OPCML: variants seen among roughly 807,000 people sequenced by gnomAD.
OPCML encodes the protein opioid-binding protein/cell adhesion molecule.
Under a neutral mutation model 37.8 loss-of-function variants are expected in OPCML, and 13 were observed. The ratio of observed to expected loss-of-function variants is 0.34; its 90% CI spans 0.22 to 0.55. The LOEUF is 0.55. Among genes scored for constraint, OPCML ranks in the 20% least tolerant of loss-of-function variants. The pLI, the probability that OPCML is intolerant of heterozygous loss-of-function variation, is 0.91. For missense variants in OPCML, 341 were observed against 435.6 expected (o/e 0.78, Z 1.93); for synonymous variants, 176 against 168.8 (o/e 1.04, Z -0.33).
At chr11:133,322,816 C>T (rs1943364035) in intron 1 of OPCML, among the ~76,000 whole-genome samples, 1 of 152,324 alleles carries the variant, frequency 6.6e-6, no homozygotes, top group Middle Eastern at 3.4e-3. Flanking sequence ...ATCTCCCCAC[C>T]TACCCTGCTG....
chr11:133,428,633 A>G (rs1240527967), intron 1 of OPCML, among the ~76,000 whole-genome samples: 1 of 152,210 alleles, frequency 6.6e-6, no homozygotes. Flanking sequence ...AACAAGACAC[A>G]TGTAAGAACT....
intron 1 of OPCML, among the ~76,000 whole-genome samples, chr11:133,460,834 A>G (rs1478610981): frequency 6.6e-6 from 1 of 151,920 alleles, no homozygotes; most frequent in Middle Eastern, 3.2e-3. Flanking sequence ...TCTAGAAAAT[A>G]CTAGCAAATA....
At chr11:133,474,650 C>T (rs2137012886) in intron 1 of OPCML, among the ~76,000 whole-genome samples, 1 of 152,292 alleles carries the variant, frequency 6.6e-6, no homozygotes, top group Non-Finnish European at 1.5e-5. Context: ...GAGGTGGATT[C>T]TTGAAGGAGA....
At chr11:133,107,919 A>T (rs1949186202) in intron 1 of OPCML, among the ~76,000 whole-genome samples, 1 of 152,204 alleles carries the variant, frequency 6.6e-6, no homozygotes, top group Non-Finnish European at 1.5e-5. Context: ...GAGCCATGCC[A>T]CACATCTAGC....
intron 2 of OPCML, among the ~76,000 whole-genome samples, chr11:132,919,385 G>A (rs1433014681): frequency 1.3e-5 from 2 of 152,176 alleles, no homozygotes; most frequent in African/African-American, 2.4e-5. Context: ...CTGGGTTGAG[G>A]CCCGGCAGGG....
In OPCML at chr11:132,997,851, C is replaced by T. The variant is rs150996625; in HGVS notation, c.62-54841G>A. ...CACATCTTGGAGCTGATACTTTTTC[C>T]GGGGTTCTCCTGGACACACTTTCTA... On this transcript the variant is annotated intron_variant, in intron 1 of 7. Transcript: ENST00000524381. Among the ~76,000 whole-genome samples the T allele has an allele frequency of 6.6e-4, 100 of 152,250 alleles. 1 individual carries two copies. Among genetic ancestry groups the T allele is most frequent in the Admixed American group, 2.1e-3 (32 of 15,298 alleles).
At chr11:132,939,999 A>G (rs1945524796) in intron 2 of OPCML, among the ~76,000 whole-genome samples, 1 of 152,196 alleles carries the variant, frequency 6.6e-6, no homozygotes, top group Admixed American at 6.5e-5. Flanking sequence ...CAATATTCAA[A>G]TAATTATTTT....
At position 132,657,087 on chromosome 11, in the gene OPCML, C is replaced by A. The variant is rs1941744193; in HGVS notation, c.379G>T (p.Val127Phe). 1.2e-6 allele frequency: 2 copies of A among 1,613,862 alleles called. No homozygotes were observed. Among genetic ancestry groups the A allele is most frequent in the Non-Finnish European group, 1.7e-6 (2 of 1,179,778 alleles). Reference sequence around the variant, plus strand: ...AACCCCAGATCCAGCTGGGACTTACCTTGCACTATTAGGTGAACCCGGGAC... The same window carrying A: ...AACCCCAGATCCAGCTGGGACTTACATTGCACTATTAGGTGAACCCGGGAC... ...KTSRVHLIVQVPPQIMNISSD... is the reference protein window; with the variant it reads ...KTSRVHLIVQFPPQIMNISSD... The change falls in exon 3 of 8, where the codon GTT becomes TTT. Residue 127 changes from valine (V) to phenylalanine (F), a missense_variant and splice_region_variant. Val to Phe is a conservative substitution (Grantham distance 50, BLOSUM62 -1). Transcript: ENST00000524381.
chr11:133,238,537 C>G (rs552238219), intron 1 of OPCML, among the ~76,000 whole-genome samples: 1 of 152,258 alleles, frequency 6.6e-6, no homozygotes, highest in East Asian at 1.9e-4. Flanking sequence ...GTGTGGCTCA[C>G]GTAAGTGTAT....
intron 1 of OPCML, among the ~76,000 whole-genome samples, chr11:133,321,204 C>G (rs909874204): frequency 1.3e-5 from 2 of 152,102 alleles, no homozygotes; most frequent in Admixed American, 6.5e-5. Flanking sequence ...TCCTTTTCTA[C>G]TCATTTCCTA....
At position 132,461,397 on chromosome 11, in the gene OPCML, G is replaced by A. The variant is rs188210003; in HGVS notation, c.506-24038C>T. 1.3e-3 allele frequency among the ~76,000 whole-genome samples: 201 copies of A among 152,284 alleles called. 1 individual carries two copies. The highest frequency in any genetic ancestry group is 4.5e-3 in the African/African-American group (185 of 41,546). ...AAAGGACTGGGTTCGAGCAGGTTCT[G>A]GAAAGGGGAACACATGGAGGTTCTA... On this transcript the variant is annotated intron_variant, in intron 4 of 7. Coordinates refer to ENST00000524381, the MANE Select transcript of OPCML (RefSeq NM_001012393.5).
chr11:133,384,075 A>C (rs1470129759), intron 1 of OPCML, among the ~76,000 whole-genome samples: 3 of 152,070 alleles, frequency 2.0e-5, no homozygotes, highest in Non-Finnish European at 4.4e-5. Flanking sequence ...CAGTCTCTTC[A>C]GTGGTAAAAA....
intron 2 of OPCML, among the ~76,000 whole-genome samples, chr11:132,661,522 C>T (rs892303703): frequency 3.9e-5 from 6 of 152,144 alleles, no homozygotes; most frequent in Admixed American, 3.9e-4. Flanking sequence ...AACTCAGGCT[C>T]CTTCCCTGCT....
rs138829049 is a variant in OPCML, at chr11:132,577,329, C to T, written c.380-48143G>A. On this transcript the variant is annotated intron_variant, in intron 3 of 7. Coordinates refer to ENST00000524381, the MANE Select transcript of OPCML (RefSeq NM_001012393.5). The stretch of plus-strand genomic sequence containing the variant: ...TACCAACCATTGTCAATTCTAGCCA[C>T]GGAAATTAAAGGATTTTTTAAAATA... Among the ~76,000 whole-genome samples, 7 of 151,816 alleles carry T rather than the reference C, an allele frequency of 4.6e-5. No individual in the cohort carries two copies. In the South Asian group the frequency reaches 6.3e-4, roughly 14 times the overall value.
At chr11:132,502,967 G>A (rs1027289934) in intron 4 of OPCML, among the ~76,000 whole-genome samples, 1 of 152,188 alleles carries the variant, frequency 6.6e-6, no homozygotes, top group Admixed American at 6.5e-5. Flanking sequence ...ATTCACAGGA[G>A]TTCAGGGGTG....
At chr11:132,771,381 G>A (rs1412006302) in intron 2 of OPCML, among the ~76,000 whole-genome samples, 1 of 152,186 alleles carries the variant, frequency 6.6e-6, no homozygotes, top group Non-Finnish European at 1.5e-5. Flanking sequence ...AAAGCAGAGA[G>A]GCCACGCCTG....
intron 1 of OPCML, among the ~76,000 whole-genome samples, chr11:133,079,913 A>T (rs1948683651): frequency 6.6e-6 from 1 of 151,968 alleles, no homozygotes. Context: ...GATAGGCATC[A>T]CTCTCCCTTT....
rs140154977 is a variant in OPCML at position 132,673,702 on chromosome 11, C to T, written c.147-16383G>A. The stretch of plus-strand genomic sequence containing the variant: ...ACTACACTTCTGACAGGAAGAAACA[C>T]GTATCTGTAACCATTTAGAACTCCA... On this transcript the variant is annotated intron_variant, in intron 2 of 7. Coordinates refer to ENST00000524381, the MANE Select transcript of OPCML (RefSeq NM_001012393.5). Among the ~76,000 whole-genome samples the T allele has an allele frequency of 1.9e-3, 287 of 152,228 alleles. 1 individual carries two copies. The highest frequency in any genetic ancestry group is 5.7e-3 in the African/African-American group (237 of 41,552).
chr11:133,363,583 T>C (rs1406728350), intron 1 of OPCML, among the ~76,000 whole-genome samples: 2 of 152,224 alleles, frequency 1.3e-5, no homozygotes, highest in Non-Finnish European at 2.9e-5. Flanking sequence ...CAAGATGCTG[T>C]CGGGTTGGGG....
Sources: allele counts gnomAD v4.1 joint callset (sites outside exome capture counted in the v4.1 genomes callset), GRCh38; gene constraint gnomAD v4.1.1; transcripts MANE v1.5; gene names NCBI Gene and HGNC (gene_info 2026-07-23, HGNC 2026-07-21).